Variants in DIS3L2 observed in about 807,000 individuals in gnomAD.
DIS3L2 encodes the protein DIS3-like exonuclease 2.
In DIS3L2, 34 loss-of-function variants were observed where a neutral mutation model predicts 97.5. The ratio of observed to expected loss-of-function variants is 0.35; its 90% CI spans 0.27 to 0.46. DIS3L2 has a LOEUF of 0.46. Ranked by LOEUF, DIS3L2 falls within the 20% of genes least tolerant of loss-of-function variation. DIS3L2 has a pLI of 1.00. For missense variants in DIS3L2, 1,038 were observed against 1,146.0 expected (o/e 0.91, Z 1.36); for synonymous variants, 435 against 445.2 (o/e 0.98, Z 0.29).
rs1574864832 is a variant in DIS3L2, at chr2:232,087,625, C to T, written c.505C>T (p.Gln169Ter). The change falls in exon 6 of 21, where the codon CAG (glutamine) becomes TAG (stop). Residue 169 changes from glutamine (Q) to a stop codon, truncating the protein, a stop_gained. Coordinates refer to ENST00000325385, the MANE Select transcript of DIS3L2 (RefSeq NM_152383.5). LOFTEE classifies it high-confidence loss of function. The stretch of plus-strand genomic sequence containing the variant: ...CAGTCCTGATGTCATTGTAGAGGCT[C>T]AGTTTGATGGCAGCGACTCAGAAGA... ...NDSPDVIVEA[Q>*]FDGSDSEDGH... 3.1e-6 allele frequency: 5 copies of T among 1,614,104 alleles called. No individual in the cohort carries two copies. The highest frequency in any genetic ancestry group is 3.4e-6 in the Non-Finnish European group (4 of 1,180,032).
chr2:232,197,750 T>C (rs1212514422), intron 9 of DIS3L2, among the ~76,000 whole-genome samples: 1 of 152,024 alleles, frequency 6.6e-6, no homozygotes, highest in African/African-American at 2.4e-5. Context: ...AGGCAGATTA[T>C]GAGGTCATGA....
chr2:232,300,854 A>G (rs978347227), intron 14 of DIS3L2, among the ~76,000 whole-genome samples: 3 of 151,990 alleles, frequency 2.0e-5, no homozygotes, highest in African/African-American at 7.3e-5. Context: ...GGGTCTCCCT[A>G]TGTTGCCCTG....
At chr2:231,976,530 G>A (rs1693099078) in intron 1 of DIS3L2, among the ~76,000 whole-genome samples, 1 of 151,678 alleles carries the variant, frequency 6.6e-6, no homozygotes, top group South Asian at 2.1e-4. Flanking sequence ...TTGGGGGGCT[G>A]TGGTGGGAGG....
intron 9 of DIS3L2, among the ~76,000 whole-genome samples, chr2:232,209,451 G>A (rs1692127200): frequency 6.6e-6 from 1 of 152,204 alleles, no homozygotes; most frequent in Non-Finnish European, 1.5e-5. Flanking sequence ...GATGAATGAG[G>A]AAAAGACAGA....
chr2:231,998,398 C>T (rs945643999), intron 1 of DIS3L2, among the ~76,000 whole-genome samples: 1 of 152,206 alleles, frequency 6.6e-6, no homozygotes, highest in South Asian at 2.1e-4. Flanking sequence ...TTAATGATCC[C>T]ACCTGTTAAT....
At chr2:232,262,393 G>A (rs1374465077) in intron 12 of DIS3L2, among the ~76,000 whole-genome samples, 1 of 152,164 alleles carries the variant, frequency 6.6e-6, no homozygotes, top group Non-Finnish European at 1.5e-5. Context: ...ATAATAAAAT[G>A]CACCTCAGTG....
chr2:232,155,021 T>A (rs949346942), intron 8 of DIS3L2, among the ~76,000 whole-genome samples: 1 of 149,332 alleles, frequency 6.7e-6, no homozygotes, highest in Non-Finnish European at 1.5e-5. Flanking sequence ...CCTGACCCCT[T>A]GCGCTTCCCA....
intron 1 of DIS3L2, among the ~76,000 whole-genome samples, chr2:231,969,933 T>A (rs1692844573): frequency 6.6e-6 from 1 of 151,992 alleles, no homozygotes; most frequent in Admixed American, 6.6e-5. Context: ...TTTCTGAATC[T>A]ACTGTGATGA....
intron 6 of DIS3L2, among the ~76,000 whole-genome samples, chr2:232,103,818 A>G (rs1442995430): frequency 2.0e-5 from 3 of 152,168 alleles, no homozygotes; most frequent in Non-Finnish European, 4.4e-5. Context: ...CAACTTTCTC[A>G]ATCTCCGGTG....
At chr2:232,174,847 G>GT (rs1026866424) in intron 9 of DIS3L2, among the ~76,000 whole-genome samples, 93 of 149,582 alleles carry the variant, frequency 6.2e-4, no homozygotes, top group African/African-American at 1.7e-3. Context: ...TTTTTTTTTT[G>GT]TTTTTTTGTT....
chr2:232,250,843 A>G (rs1298176848), intron 12 of DIS3L2, among the ~76,000 whole-genome samples: 2 of 152,178 alleles, frequency 1.3e-5, no homozygotes, highest in African/African-American at 4.8e-5. Context: ...GAGTCGGGAC[A>G]TGGGAAAATC....
chr2:232,060,096 T>C (rs1321807700), intron 5 of DIS3L2, among the ~76,000 whole-genome samples: 3 of 152,214 alleles, frequency 2.0e-5, no homozygotes, highest in Non-Finnish European at 4.4e-5. Context: ...TGTAAAGGGA[T>C]ATCTGCGAAA....
chr2:232,179,908 G>T (rs1691217263), intron 9 of DIS3L2, among the ~76,000 whole-genome samples: 1 of 130,260 alleles, frequency 7.7e-6, no homozygotes, highest in African/African-American at 3.8e-5. Flanking sequence ...ATGTTAGGGT[G>T]TCAATTTTGG....
chr2:232,010,253 T>G (rs931248838), intron 1 of DIS3L2, among the ~76,000 whole-genome samples: 1 of 152,182 alleles, frequency 6.6e-6, no homozygotes, highest in Non-Finnish European at 1.5e-5. Flanking sequence ...CGTCTGGATA[T>G]CCTTTCCCCT....
At chr2:232,317,807 T>C (rs1015585241) in intron 14 of DIS3L2, among the ~76,000 whole-genome samples, 3 of 152,252 alleles carry the variant, frequency 2.0e-5, no homozygotes, top group Non-Finnish European at 4.4e-5. Flanking sequence ...CTTAATTCAG[T>C]GCAGAAGGTT....
intron 6 of DIS3L2, among the ~76,000 whole-genome samples, chr2:232,122,428 C>A (rs1041047888): frequency 6.6e-6 from 1 of 152,102 alleles, no homozygotes; most frequent in African/African-American, 2.4e-5. Flanking sequence ...ACTTATAACT[C>A]GCTACAGGCC....
At chr2:232,207,843 C>T (rs1346463082) in intron 9 of DIS3L2, among the ~76,000 whole-genome samples, 1 of 152,074 alleles carries the variant, frequency 6.6e-6, no homozygotes. Flanking sequence ...TATTTACAAA[C>T]AAACAATAAT....
At chr2:232,297,682 A>G (rs1694755477) in intron 13 of DIS3L2, among the ~76,000 whole-genome samples, 1 of 149,094 alleles carries the variant, frequency 6.7e-6, no homozygotes, top group Non-Finnish European at 1.5e-5. Flanking sequence ...GTTGCTGTTT[A>G]GGTATGTTCC....
At chr2:231,998,232 T>G (rs947521037) in intron 1 of DIS3L2, among the ~76,000 whole-genome samples, 1 of 152,176 alleles carries the variant, frequency 6.6e-6, no homozygotes, top group Non-Finnish European at 1.5e-5. Context: ...TGACATCTGT[T>G]GAGAGCCTTC....
Sources: allele counts gnomAD v4.1 joint callset (sites outside exome capture counted in the v4.1 genomes callset), GRCh38; gene constraint gnomAD v4.1.1; transcripts MANE v1.5; gene names NCBI Gene and HGNC (gene_info 2026-07-23, HGNC 2026-07-21).